DRG2: variants seen among roughly 807,000 people sequenced by gnomAD.
DRG2 encodes the protein developmentally regulated GTP binding protein 2, also known as developmentally-regulated GTP-binding protein 2.
Under a neutral mutation model 53.4 loss-of-function variants are expected in DRG2, and 36 were observed. That is an observed-to-expected ratio of 0.67 (90% CI 0.52 to 0.89). The LOEUF is 0.89. DRG2 is among the 40% of genes least tolerant of loss of function. The pLI, the probability that DRG2 is intolerant of heterozygous loss-of-function variation, is 0.00. For synonymous variants in DRG2, 167 were observed against 192.1 expected (o/e 0.87, Z 1.08); for missense variants, 342 against 481.2 (o/e 0.71, Z 2.71).
At chr17:18,101,699 C>T in intron 8 of DRG2, 109 bp downstream of exon 8, 1 of 1,065,526 alleles carries the variant, frequency 9.4e-7, no homozygotes, top group Non-Finnish European at 1.4e-6. Context: ...GAGGCTCTCC[C>T]CTCACCTCAC....
In DRG2 at chr17:18,088,413, G is replaced by T. The variant is rs1415800273; in HGVS notation, c.64+326G>T. ...CAAACCTCAGTCTCCTGATGGCTGG[G>T]CCTGGGGCCTGGGTCTACTCTGTTG... is the stretch of plus-strand genomic sequence containing the variant. On this transcript the variant is annotated intron_variant, in intron 1 of 12. Transcript: ENST00000225729. 2.0e-5 allele frequency among the ~76,000 whole-genome samples: 3 copies of T among 152,236 alleles called. No homozygotes were observed. The East Asian group carries it at 5.8e-4, about 29-fold the overall frequency.
chr17:18,097,006 C>T (rs897502426), intron 2 of DRG2: 10 of 152,144 alleles, frequency 6.6e-5, no homozygotes, highest in Non-Finnish European at 1.2e-4. Context: ...ATAGAGAAGC[C>T]GCTCTAGTTA....
Position 18,107,249 on chromosome 17 carries a change from G to T in DRG2, c.*9G>T. 6.2e-7 allele frequency: 1 copy of T among 1,612,086 alleles called. No individual in the cohort carries two copies. Among genetic ancestry groups the T allele is most frequent in the South Asian group, 1.1e-5 (1 of 91,058 alleles). ...AGATCGTGAAGAAGTAACGGCGCCTGCCGGGCCTCCCGCCCACCTGCCTCG... is the reference window on the plus strand; with the variant it reads ...AGATCGTGAAGAAGTAACGGCGCCTTCCGGGCCTCCCGCCCACCTGCCTCG... On this transcript the variant is annotated 3_prime_UTR_variant, in exon 13 of 13. Coordinates refer to ENST00000225729, the MANE Select transcript of DRG2 (RefSeq NM_001388.5).
At chr17:18,091,886 G>C (rs944739688) in intron 1 of DRG2, 1 of 152,108 alleles carries the variant, frequency 6.6e-6, no homozygotes, top group African/African-American at 2.4e-5. Context: ...ATCTGCCTAA[G>C]AAGTTACTAC....
chr17:18,100,736 G>T lies in DRG2; in HGVS notation c.631+77G>T. The T allele has an allele frequency of 1.4e-6, 2 of 1,437,594 alleles. No individual in the cohort carries two copies. Among genetic ancestry groups the T allele is most frequent in the Non-Finnish European group, 1.9e-6 (2 of 1,048,042 alleles). 89.1% of individuals were successfully genotyped at this position (1,437,594 alleles called of 1,614,324 possible). A position where few individuals can be genotyped will look rare whatever the true frequency, so the allele number is the denominator to read the frequency against. On this transcript the variant is annotated intron_variant, in intron 7 of 12. Transcript: ENST00000225729. This position sits in a 1 kb window ranked among gnomAD's most constrained non-coding sequence, Gnocchi z 4.1. ...AGCGGGGGGACTGACTAAGACAGGA[G>T]GCCTCATGGAGCAGGGTGGCAGCAG...
chr17:18,102,135 C>T, intron 9 of DRG2, 138 bp downstream of exon 9: 3 of 882,726 alleles, frequency 3.4e-6, no homozygotes, highest in South Asian at 1.6e-5. Flanking sequence ...TCACGGAGCC[C>T]AGGACTTCCT....
At position 18,103,538 on chromosome 17, in the gene DRG2, A is replaced by C. The variant is rs2045575825; in HGVS notation, c.807-263A>C. On this transcript the variant is annotated intron_variant, in intron 9 of 12. Transcript: ENST00000225729. The surrounding 1 kb of genome is among the most constrained non-coding windows in gnomAD (Gnocchi z 4.4). ...GCCATGGCAGCCCTTCACTAATCAC[A>C]CATGCTGCAACCCTCCACAGAGCAC... 6.6e-6 allele frequency among the ~76,000 whole-genome samples: 1 copy of C among 152,044 alleles called. No homozygotes were observed. Among genetic ancestry groups the C allele is most frequent in the Non-Finnish European group, 1.5e-5 (1 of 67,990 alleles).
At chr17:18,093,667 T>C in intron 1 of DRG2, 146 bp from the exon 2 acceptor site, 1 of 970,072 alleles carries the variant, frequency 1.0e-6, no homozygotes, top group Non-Finnish European at 1.5e-6. Flanking sequence ...AGGGGGCCTT[T>C]TAAGCAGAGA....
At chr17:18,088,189 G>A (rs1231534448) in intron 1 of DRG2, 102 bp downstream of exon 1, 2 of 1,399,238 alleles carry the variant, frequency 1.4e-6, no homozygotes, top group South Asian at 1.4e-5. Context: ...CAAGATCCGA[G>A]GCCGCGGAGA....
At position 18,090,406 on chromosome 17, in the gene DRG2, A is replaced by ATTT. The variant is rs1186716416; in HGVS notation, c.64+2344_64+2346dup. Among the ~76,000 whole-genome samples the ATTT allele has an allele frequency of 2.3e-3, 53 of 22,670 alleles. 6 individuals carry two copies. The highest frequency in any genetic ancestry group is 3.6e-3 in the East Asian group (3 of 830). The allele number at this position is 22,670 out of a possible 152,430, so 14.9% of individuals were successfully genotyped here. A position where few individuals can be genotyped will look rare whatever the true frequency, so the allele number is the denominator to read the frequency against. On this transcript the variant is annotated intron_variant, in intron 1 of 12. Transcript: ENST00000225729. ...TATATATATATATATATATATATAT[A>ATTT]TTTTTTTTTTTTTTTTTTTTTTTTT...
At chr17:18,094,373 G>T (rs59631391) in intron 2 of DRG2, 2,551 of 157,656 alleles carry the variant, frequency 0.016, 93 homozygotes, top group East Asian at 0.098. Context: ...GGTGAGGAGT[G>T]GGGGCTGGTG....
rs1263023297 is a variant in DRG2, at chr17:18,107,453, A to G, written c.*213A>G. 6.7e-6 allele frequency: 4 copies of G among 593,762 alleles called. No individual in the cohort carries two copies. The highest frequency in any genetic ancestry group is 1.2e-5 in the Non-Finnish European group (4 of 332,210). The allele number at this position is 593,762 out of a possible 1,614,324, so 36.8% of individuals were successfully genotyped here. ...GTTGGAGGCATTTCCCATAAGACTG[A>G]GCCCTCTCATGGGGGTTTTGAGTTT... On this transcript the variant is annotated 3_prime_UTR_variant, in exon 13 of 13. Transcript: ENST00000225729.
At chr17:18,090,187 C>CTTTTTTT (rs764657114) in intron 1 of DRG2, among the ~76,000 whole-genome samples, 3 of 70,270 alleles carry the variant, frequency 4.3e-5, no homozygotes, top group East Asian at 6.5e-4. Flanking sequence ...ACACTGAATC[C>CTTTTTTT]TTTTTTTTTT....
intron 11 of DRG2, 144 bp downstream of exon 11, chr17:18,104,825 C>G: frequency 3.6e-6 from 5 of 1,385,040 alleles, no homozygotes; most frequent in Non-Finnish European, 4.9e-6. Context: ...AGTTGGACAG[C>G]CTGGGGCTGC....
Position 18,107,311 on chromosome 17 carries a change from C to A in DRG2, c.*71C>A. The A allele has an allele frequency of 6.9e-7, 1 of 1,454,018 alleles. No homozygotes were observed. The highest frequency in any genetic ancestry group is 9.5e-7 in the Non-Finnish European group (1 of 1,048,280). 90.1% of individuals were successfully genotyped at this position (1,454,018 alleles called of 1,614,324 possible). On this transcript the variant is annotated 3_prime_UTR_variant, in exon 13 of 13. Coordinates refer to ENST00000225729, the MANE Select transcript of DRG2 (RefSeq NM_001388.5). ...AGGTGGTCCCACTGGGACACACAAA[C>A]ACCCAAACAGAAAAATACAAATACA...
chr17:18,104,656 G>A lies in DRG2; in HGVS notation c.929G>A (p.Arg310Gln), dbSNP rs557970689. 6.8e-6 allele frequency: 11 copies of A among 1,613,912 alleles called. No individual in the cohort carries two copies. Among genetic ancestry groups the A allele is most frequent in the East Asian group, 2.2e-5 (1 of 44,888 alleles). Residue 310 changes from arginine (R) to glutamine (Q), a missense_variant, in exon 11 of 13, where the codon CGG becomes CAG. Physicochemically the swap from Arg to Gln is conservative, Grantham distance 43. Transcript: ENST00000225729. ...RPDFTDAIIL[R>Q]KGASVEHVCH... ...GACTTCACAGACGCCATCATTCTCCGGAAAGGGGCCTCAGTGGAGCACGTG... is the reference window on the plus strand; with the variant it reads ...GACTTCACAGACGCCATCATTCTCCAGAAAGGGGCCTCAGTGGAGCACGTG...
Position 18,100,526 on chromosome 17 carries a change from C to A in DRG2, c.541-43C>A, listed in dbSNP as rs547721546. Reference sequence around the variant, plus strand: ...TGAGGCTGTGGGACCATTGCTGTGACCCCTCGGTCAGCAGTTCTCCCCATC... The same window carrying A: ...TGAGGCTGTGGGACCATTGCTGTGAACCCTCGGTCAGCAGTTCTCCCCATC... On this transcript the variant is annotated intron_variant, in intron 6 of 12. Transcript: ENST00000225729. The surrounding 1 kb of genome is among the most constrained non-coding windows in gnomAD (Gnocchi z 4.1). 10 of 1,613,196 alleles carry A rather than the reference C, an allele frequency of 6.2e-6. No homozygotes were observed. Among genetic ancestry groups the A allele is most frequent in the Non-Finnish European group, 8.5e-6 (10 of 1,179,266 alleles).
intron 12 of DRG2, among the ~76,000 whole-genome samples, chr17:18,106,900 C>G (rs2045648888): frequency 6.6e-6 from 1 of 152,060 alleles, no homozygotes; most frequent in Non-Finnish European, 1.5e-5. Context: ...CAGGCTGTCT[C>G]AAACACCTGA....
At chr17:18,088,628 T>C (rs1171511750) in intron 1 of DRG2, among the ~76,000 whole-genome samples, 1 of 152,196 alleles carries the variant, frequency 6.6e-6, no homozygotes, top group Non-Finnish European at 1.5e-5. Context: ...CATCTGTAAA[T>C]GGGGTAATAC....
Sources: gnomAD v4.1 joint callset for allele counts (sites outside exome capture counted in the v4.1 genomes callset) on GRCh38, gnomAD v4.1.1 for gene constraint, Gnocchi (gnomAD v3.1) non-coding constraint, MANE v1.5 for transcripts, NCBI Gene and HGNC (gene_info 2026-07-23, HGNC 2026-07-21) for gene names.